The following NXN variants were observed in gnomAD, a reference collection of about 807,000 sequenced individuals.
The protein encoded by NXN is nucleoredoxin 1.
Under a neutral mutation model 48.6 loss-of-function variants are expected in NXN, and 16 were observed. That is an observed-to-expected ratio of 0.33 (90% CI 0.22 to 0.50). NXN has a LOEUF of 0.50. Among genes scored for constraint, NXN ranks in the 20% least tolerant of loss-of-function variants. The pLI is 0.98. For missense variants in NXN, 492 were observed against 605.5 expected (o/e 0.81, Z 1.97); for synonymous variants, 281 against 269.6 (o/e 1.04, Z -0.41).
intron 1 of NXN, among the ~76,000 whole-genome samples, chr17:877,628 AGC>A (rs2068231427): frequency 6.6e-6 from 1 of 152,168 alleles, no homozygotes; most frequent in East Asian, 1.9e-4. Context: ...ATACAGGAAA[AGC>A]GCGATACTAC....
intron 5 of NXN, among the ~76,000 whole-genome samples, chr17:812,971 GGTGT>G (rs374928518): frequency 7.5e-6 from 1 of 132,472 alleles, no homozygotes; most frequent in South Asian, 2.3e-4. Flanking sequence ...CATGTTTGTA[GGTGT>G]GTGTGCACAT....
At chr17:813,521 T>C (rs1567813590) in intron 5 of NXN, among the ~76,000 whole-genome samples, 2 of 152,266 alleles carry the variant, frequency 1.3e-5, no homozygotes, top group East Asian at 1.9e-4. Context: ...TGGAATGATA[T>C]AATGATTTCC....
At chr17:891,589 G>C (rs1390043547) in intron 1 of NXN, among the ~76,000 whole-genome samples, 2 of 152,198 alleles carry the variant, frequency 1.3e-5, no homozygotes, top group Admixed American at 1.3e-4. Flanking sequence ...GCAGTGAGAG[G>C]CTATGATGCT....
In NXN at chr17:917,389, C is replaced by T. The variant is rs2068699712; in HGVS notation, c.360+61930G>A. Among the ~76,000 whole-genome samples, 1 of 152,226 alleles carries T rather than the reference C, an allele frequency of 6.6e-6. No individual in the cohort carries two copies. The highest frequency in any genetic ancestry group is 6.5e-5 in the Admixed American group (1 of 15,280). On this transcript the variant is annotated intron_variant, in intron 1 of 7. Transcript: ENST00000336868. This position sits in a 1 kb window ranked among gnomAD's most constrained non-coding sequence, Gnocchi z 4.5. The stretch of plus-strand genomic sequence containing the variant: ...ATCTCTTGACCTCGTGATCCGCCTG[C>T]CTTGGCCTCTGAAAGTGCTGGGCCT...
At chr17:888,673 G>A (rs941993786) in intron 1 of NXN, among the ~76,000 whole-genome samples, 18 of 151,970 alleles carry the variant, frequency 1.2e-4, no homozygotes, top group Non-Finnish European at 2.2e-4. Context: ...GATTGACAGA[G>A]GCCAGGTGTG....
chr17:866,885 C>T (rs1387529108), intron 1 of NXN, among the ~76,000 whole-genome samples: 1 of 152,256 alleles, frequency 6.6e-6, no homozygotes, highest in African/African-American at 2.4e-5. Flanking sequence ...TGCAAACCCT[C>T]AGCTGGTGCC....
chr17:878,892 C>T (rs948103234), intron 1 of NXN, among the ~76,000 whole-genome samples: 9 of 152,086 alleles, frequency 5.9e-5, no homozygotes, highest in African/African-American at 1.9e-4. Flanking sequence ...AGGCCAGGTG[C>T]GGTGGCTCAC....
intron 1 of NXN, among the ~76,000 whole-genome samples, chr17:939,749 G>A (rs575962221): frequency 1.3e-5 from 2 of 152,312 alleles, no homozygotes; most frequent in East Asian, 1.9e-4. Flanking sequence ...GAAAAGACAA[G>A]GCTGCCTTGT....
intron 1 of NXN, among the ~76,000 whole-genome samples, chr17:841,505 A>C: frequency 7.2e-6 from 1 of 138,546 alleles, no homozygotes; most frequent in Non-Finnish European, 1.6e-5. Flanking sequence ...GGCGCATCTC[A>C]CACGGGCGAG....
intron 6 of NXN, 37 bp downstream of exon 6, chr17:805,031 A>ACCCCCCCCCCCCCCCCC: frequency 9.9e-7 from 1 of 1,009,722 alleles, no homozygotes; most frequent in Non-Finnish European, 1.4e-6. Context: ...CCCGCCCCCC[A>ACCCCCCCCCCCCCCCCC]GCCACCCCTC....
At chr17:946,711 C>T (rs1341658097) in intron 1 of NXN, among the ~76,000 whole-genome samples, 1 of 152,248 alleles carries the variant, frequency 6.6e-6, no homozygotes, top group Non-Finnish European at 1.5e-5. Context: ...GGACGACCCC[C>T]CGCAGCGGGC....
At chr17:936,380 G>A (rs117190579) in intron 1 of NXN, among the ~76,000 whole-genome samples, 1,905 of 152,134 alleles carry the variant, frequency 0.013, 17 homozygotes, top group Non-Finnish European at 0.02. Context: ...GCCCTGGTGA[G>A]TGTCCACGGT....
At chr17:918,128 A>G (rs931587428) in intron 1 of NXN, among the ~76,000 whole-genome samples, 1 of 152,176 alleles carries the variant, frequency 6.6e-6, no homozygotes. Context: ...AAAACAGACA[A>G]AAGAAACACG....
chr17:901,346 A>AAGGC (rs1371100088), intron 1 of NXN, among the ~76,000 whole-genome samples: 1 of 152,194 alleles, frequency 6.6e-6, no homozygotes, highest in African/African-American at 2.4e-5. Flanking sequence ...ATCTGGCACA[A>AAGGC]AGGCAGACAC....
intron 1 of NXN, among the ~76,000 whole-genome samples, chr17:955,429 C>T (rs1028227707): frequency 6.6e-6 from 1 of 151,382 alleles, no homozygotes; most frequent in Non-Finnish European, 1.5e-5. Context: ...CTCGGCCTCC[C>T]GAAGTGCTGG....
chr17:843,765 T>A (rs1194851722), intron 1 of NXN, among the ~76,000 whole-genome samples: 2 of 152,144 alleles, frequency 1.3e-5, no homozygotes, highest in Non-Finnish European at 2.9e-5. Flanking sequence ...TCACTCTGAG[T>A]AGCACCTTTC....
intron 1 of NXN, among the ~76,000 whole-genome samples, chr17:870,030 G>A (rs1390202457): frequency 6.6e-6 from 1 of 152,176 alleles, no homozygotes; most frequent in East Asian, 1.9e-4. Flanking sequence ...GAACGTTCCT[G>A]GCTGTCACAT....
At chr17:822,609 C>A in intron 3 of NXN, 152 bp from the exon 4 acceptor site, 1 of 602,662 alleles carries the variant, frequency 1.7e-6, no homozygotes, top group South Asian at 2.0e-5. Context: ...GGTATGGTGG[C>A]TACCTGGGAG....
At chr17:895,631 T>C (rs1473675956) in intron 1 of NXN, among the ~76,000 whole-genome samples, 12 of 132,462 alleles carry the variant, frequency 9.1e-5, no homozygotes, top group African/African-American at 2.3e-4. Flanking sequence ...GCTAACACGG[T>C]GAAACCCCGT....
Sources: gnomAD v4.1 joint callset for allele counts (sites outside exome capture counted in the v4.1 genomes callset) on GRCh38, gnomAD v4.1.1 for gene constraint, Gnocchi (gnomAD v3.1) non-coding constraint, MANE v1.5 for transcripts, NCBI Gene and HGNC (gene_info 2026-07-23, HGNC 2026-07-21) for gene names.